The following ZC3H12B variants were observed in gnomAD, a reference collection of about 807,000 sequenced individuals.
The protein encoded by ZC3H12B is probable ribonuclease ZC3H12B.
Under a neutral mutation model 43.9 loss-of-function variants are expected in ZC3H12B, and 7 were observed. The observed-to-expected ratio is 0.16, with a 90% CI of 0.09 to 0.30. The LOEUF (loss-of-function observed/expected upper bound fraction) is 0.30. Among genes scored for constraint, ZC3H12B ranks in the 10% least tolerant of loss-of-function variants. The pLI, the probability that ZC3H12B is intolerant of heterozygous loss-of-function variation, is 1.00. For missense variants in ZC3H12B, 475 were observed against 670.2 expected (o/e 0.71, Z 3.22); for synonymous variants, 222 against 241.7 (o/e 0.92, Z 0.76).
the ZC3H12B span, among the ~76,000 whole-genome samples, chrX:65,154,282 C>G: frequency 5.4e-5 from 6 of 111,764 alleles, no homozygotes; most frequent in African/African-American, 1.9e-4. Flanking sequence ...ATGCCGTACA[C>G]AAACATCGTA....
chrX:65,108,196 T>C, the ZC3H12B span, among the ~76,000 whole-genome samples: 2 of 111,577 alleles, frequency 1.8e-5, no homozygotes, highest in Non-Finnish European at 3.8e-5. Context: ...TTATAAACAC[T>C]GTATGCTTAG....
chrX:65,184,866 T>C, the ZC3H12B span, among the ~76,000 whole-genome samples: 10 of 111,963 alleles, frequency 8.9e-5, no homozygotes, highest in African/African-American at 2.9e-4. Context: ...TGTTCTACTT[T>C]GTTTTTAATT....
At chrX:65,055,117 A>G in the ZC3H12B span, among the ~76,000 whole-genome samples, 1 of 111,205 alleles carries the variant, frequency 9.0e-6, no homozygotes, top group East Asian at 2.8e-4. Context: ...AACTTCCAAC[A>G]CTATGTTGAA....
At chrX:65,241,171 C>T in the ZC3H12B span, among the ~76,000 whole-genome samples, 1 of 112,617 alleles carries the variant, frequency 8.9e-6, no homozygotes, top group Non-Finnish European at 1.9e-5. Context: ...GACTGAACTG[C>T]AGAGGTGTCA....
intron 2 of ZC3H12B, among the ~76,000 whole-genome samples, chrX:65,386,039 C>A (rs190228922): frequency 1.8e-5 from 2 of 112,054 alleles, no homozygotes; most frequent in Non-Finnish European, 1.9e-5. Flanking sequence ...CTGCTGAATT[C>A]GGTTTACCAG....
the ZC3H12B span, among the ~76,000 whole-genome samples, chrX:65,121,869 A>G: frequency 2.7e-5 from 3 of 111,720 alleles, no homozygotes; most frequent in Non-Finnish European, 5.6e-5. Flanking sequence ...TTGGTTTCGA[A>G]GAACATCTTT....
At chrX:65,401,018 C>T (rs150704698) in intron 3 of ZC3H12B, among the ~76,000 whole-genome samples, 2,084 of 107,872 alleles carry the variant, frequency 0.019, 22 homozygotes, top group Middle Eastern at 0.043. Context: ...ACCAAGATGG[C>T]AGAATAGAAG....
chrX:65,501,653 T>C, intron 4 of ZC3H12B, 136 bp from the exon 10 acceptor site: 1 of 595,584 alleles, frequency 1.7e-6, no homozygotes, highest in East Asian at 3.7e-5. Context: ...GTCTCTCATC[T>C]TTGTGGACAG....
chrX:65,077,070 T>C, the ZC3H12B span, among the ~76,000 whole-genome samples: 1 of 111,874 alleles, frequency 8.9e-6, no homozygotes, highest in South Asian at 3.7e-4. Flanking sequence ...CCTGTTTAGG[T>C]TTAGAATATA....
intron 2 of ZC3H12B, among the ~76,000 whole-genome samples, chrX:65,394,545 G>C (rs758944298): frequency 9.0e-6 from 1 of 111,448 alleles, no homozygotes; most frequent in Non-Finnish European, 1.9e-5. Flanking sequence ...GCCTGTGTCC[G>C]GTTCCATTGG....
chrX:65,035,809 A>G, the ZC3H12B span, among the ~76,000 whole-genome samples: 1 of 111,878 alleles, frequency 8.9e-6, no homozygotes, highest in African/African-American at 3.3e-5. Flanking sequence ...CATGTACGTT[A>G]GGAAGATAGT....
the ZC3H12B span, among the ~76,000 whole-genome samples, chrX:65,121,417 G>T: frequency 9.0e-6 from 1 of 111,583 alleles, no homozygotes; most frequent in Non-Finnish European, 1.9e-5. Flanking sequence ...ATTTCTTCTC[G>T]ATTTTCTAGT....
At chrX:65,455,865 T>C (rs59035759) in intron 3 of ZC3H12B, among the ~76,000 whole-genome samples, 9,188 of 111,345 alleles carry the variant, frequency 0.083, 1,031 homozygotes, top group African/African-American at 0.29. Context: ...GAATTTCATA[T>C]CCAGCCAAAC....
At chrX:65,331,916 A>G in the ZC3H12B span, among the ~76,000 whole-genome samples, 1 of 111,363 alleles carries the variant, frequency 9.0e-6, no homozygotes, top group South Asian at 3.8e-4. Context: ...AGTAAGGATG[A>G]CCAGAGGTCA....
the ZC3H12B span, among the ~76,000 whole-genome samples, chrX:65,110,562 T>C: frequency 9.0e-6 from 1 of 111,324 alleles, no homozygotes; most frequent in South Asian, 3.7e-4. Flanking sequence ...TTTGCACCTC[T>C]GTCAAAAATT....
chrX:65,102,909 G>A, the ZC3H12B span, among the ~76,000 whole-genome samples: 2 of 111,595 alleles, frequency 1.8e-5, no homozygotes, highest in South Asian at 7.5e-4. Flanking sequence ...TGTACGAATA[G>A]GGTGTGGGTC....
At chrX:65,066,859 G>A in the ZC3H12B span, among the ~76,000 whole-genome samples, 2 of 111,915 alleles carry the variant, frequency 1.8e-5, no homozygotes, top group Non-Finnish European at 3.8e-5. Flanking sequence ...AATCTAGAGA[G>A]GCAGTCTGGC....
chrX:65,445,718 C>G (rs1283853902), intron 3 of ZC3H12B, among the ~76,000 whole-genome samples: 3 of 112,200 alleles, frequency 2.7e-5, no homozygotes, highest in Admixed American at 9.5e-5. Flanking sequence ...TCCAGCCAAG[C>G]TTATGTCTTT....
the ZC3H12B span, among the ~76,000 whole-genome samples, chrX:65,097,780 TTA>T: frequency 8.9e-6 from 1 of 111,917 alleles, no homozygotes; most frequent in Non-Finnish European, 1.9e-5. Context: ...AGCCCATTAC[TTA>T]TATGGGACTT....
Sources: allele counts gnomAD v4.1 joint callset (sites outside exome capture counted in the v4.1 genomes callset), GRCh38; gene constraint gnomAD v4.1.1; transcripts MANE v1.5; gene names NCBI Gene and HGNC (gene_info 2026-07-23, HGNC 2026-07-21).